Variants in LAMA4 observed in about 807,000 individuals in gnomAD.
The protein encoded by LAMA4 is laminin subunit alpha 4.
LAMA4 carries 127 observed loss-of-function variants against 207.1 expected under a neutral mutation model. The observed-to-expected ratio is 0.61, with a 90% CI of 0.53 to 0.71. LAMA4 has a LOEUF of 0.71. Ranked by LOEUF, LAMA4 falls within the 30% of genes least tolerant of loss-of-function variation. LAMA4 has a pLI of 0.00. For synonymous variants in LAMA4, 761 were observed against 816.0 expected, an observed-to-expected ratio of 0.93 and a Z score of 1.15; for missense variants, 2,093 against 2,246.5, an observed-to-expected ratio of 0.93 and a Z score of 1.38.
chr6:112,152,790 T>C (rs1780476257), intron 16 of LAMA4, among the ~76,000 whole-genome samples: 1 of 152,096 alleles, frequency 6.6e-6, no homozygotes, highest in South Asian at 2.1e-4. Flanking sequence ...ATATTTTCTC[T>C]GGGTAGTGTG....
chr6:112,230,608 T>C (rs1785504251), intron 2 of LAMA4, among the ~76,000 whole-genome samples: 1 of 152,268 alleles, frequency 6.6e-6, no homozygotes. Flanking sequence ...TGGACTTGTC[T>C]GTACCAGGGT....
intron 9 of LAMA4, chr6:112,179,798 G>A (rs782753994): frequency 2.6e-6 from 1 of 391,504 alleles, no homozygotes; most frequent in Non-Finnish European, 5.1e-6. Flanking sequence ...CCTCCCTACA[G>A]AGCAAGGCTC....
chr6:112,109,593 C>A lies in LAMA4; in HGVS notation c.5327-11G>T. On this transcript the variant is annotated splice_polypyrimidine_tract_variant and intron_variant, in intron 38 of 38. Coordinates refer to ENST00000230538, the MANE Select transcript of LAMA4 (RefSeq NM_001105206.3). The stretch of plus-strand genomic sequence containing the variant: ...GTGTCAGTAGAGATTCTGAAAAGAG[C>A]AAGAAATAAAAACAAAGATTGCAAT... 1 of 1,613,912 alleles carries A rather than the reference C, an allele frequency of 6.2e-7. No homozygotes were observed. Among genetic ancestry groups the A allele is most frequent in the Non-Finnish European group, 8.5e-7 (1 of 1,179,896 alleles).
At chr6:112,181,663 G>A (rs999956450) in intron 9 of LAMA4, among the ~76,000 whole-genome samples, 1 of 152,050 alleles carries the variant, frequency 6.6e-6, no homozygotes, top group Admixed American at 6.5e-5. Context: ...TTCTTCCTTA[G>A]AGTTACCGTT....
chr6:112,228,596 G>T (rs1444904473), intron 2 of LAMA4, among the ~76,000 whole-genome samples: 7 of 152,190 alleles, frequency 4.6e-5, no homozygotes, highest in Non-Finnish European at 1.0e-4. Context: ...AATTTGCAAA[G>T]ATCTGCTCCC....
At chr6:112,149,888 G>GT (rs1247255545) in intron 17 of LAMA4, among the ~76,000 whole-genome samples, 2 of 152,190 alleles carry the variant, frequency 1.3e-5, no homozygotes, top group African/African-American at 4.8e-5. Flanking sequence ...TGCTGCACTA[G>GT]TTTTTTAACT....
chr6:112,114,838 G>T, intron 36 of LAMA4, 82 bp from the exon 37 acceptor site: 1 of 963,600 alleles, frequency 1.0e-6, no homozygotes. Context: ...TTACCACAGT[G>T]AAGCAATACT....
intron 26 of LAMA4, 44 bp downstream of exon 26, chr6:112,134,423 A>C: frequency 6.2e-7 from 1 of 1,606,564 alleles, no homozygotes; most frequent in East Asian, 2.2e-5. Flanking sequence ...TTGCCAGCCC[A>C]GTACATTGCT....
At chr6:112,114,601 T>C (rs1410271852) in intron 37 of LAMA4, 62 bp downstream of exon 37, 3 of 1,084,094 alleles carry the variant, frequency 2.8e-6, no homozygotes, top group Non-Finnish European at 4.3e-6. Context: ...TAGCCTAAGT[T>C]CTGCCAGATC....
chr6:112,114,517 A>C (rs1234899886), intron 37 of LAMA4, 146 bp downstream of exon 37: 1 of 714,990 alleles, frequency 1.4e-6, no homozygotes, highest in Non-Finnish European at 2.5e-6. Context: ...CAGTATACAC[A>C]TAATAGTATA....
chr6:112,131,125 A>C, intron 28 of LAMA4, 24 bp from the exon 29 acceptor site: 1 of 1,611,566 alleles, frequency 6.2e-7, no homozygotes, highest in Non-Finnish European at 8.5e-7. Flanking sequence ...ACAGGCATGT[A>C]AGTAGGGAGT....
intron 17 of LAMA4, among the ~76,000 whole-genome samples, chr6:112,149,032 C>A (rs1351794472): frequency 6.8e-6 from 1 of 146,760 alleles, no homozygotes; most frequent in Non-Finnish European, 1.5e-5. Flanking sequence ...TTTCTTTGGC[C>A]CCAACTGTAA....
chr6:112,176,253 A>G (rs2114885594), intron 10 of LAMA4, among the ~76,000 whole-genome samples: 1 of 152,332 alleles, frequency 6.6e-6, no homozygotes, highest in Admixed American at 6.5e-5. Context: ...GCAGACTGAA[A>G]TACGTCTTTG....
At chr6:112,138,448 T>C (rs556107128) in intron 24 of LAMA4, among the ~76,000 whole-genome samples, 1 of 152,278 alleles carries the variant, frequency 6.6e-6, no homozygotes, top group African/African-American at 2.4e-5. Context: ...TTAAGGATTT[T>C]TGAAAATATT....
At chr6:112,146,421 G>A (rs1166211650) in intron 18 of LAMA4, among the ~76,000 whole-genome samples, 1 of 152,108 alleles carries the variant, frequency 6.6e-6, no homozygotes, top group Non-Finnish European at 1.5e-5. Context: ...CAGACAAGCA[G>A]CAGCAGCATC....
rs3777931 is a variant in LAMA4 at position 112,194,366 on chromosome 6, C to T, written c.504-2516G>A. On this transcript the variant is annotated intron_variant, in intron 5 of 38. Coordinates refer to ENST00000230538, the MANE Select transcript of LAMA4 (RefSeq NM_001105206.3). ...TGCATTTGCTCTCCATAGGAGGTCC[C>T]CTGGTCTTTTACAAGAGAAAACTCA... is the stretch of plus-strand genomic sequence containing the variant. Among the ~76,000 whole-genome samples, 89 of 152,274 alleles carry T rather than the reference C, an allele frequency of 5.8e-4. 1 individual carries two copies. In the East Asian group the frequency reaches 0.016, roughly 27 times the overall value.
At position 112,139,831 on chromosome 6, in the gene LAMA4, A is replaced by T; in HGVS notation, c.3031T>A (p.Leu1011Met). 6.2e-7 allele frequency: 1 copy of T among 1,614,104 alleles called. No individual in the cohort carries two copies. The highest frequency in any genetic ancestry group is 8.5e-7 in the Non-Finnish European group (1 of 1,179,954). Residue 1011 changes from leucine to methionine, a missense_variant, in exon 23 of 39, where the codon TTG becomes ATG. Physicochemically the swap from Leu to Met is conservative, Grantham distance 15 (BLOSUM62 2). This residue lies in a region of LAMA4 where 1,704 missense variants were observed against 1,788.4 expected (regional missense o/e 0.95). Coordinates refer to ENST00000230538, the MANE Select transcript of LAMA4 (RefSeq NM_001105206.3). ...GFVGCLELAT[L>M]NNDVISLYNF... The stretch of plus-strand genomic sequence containing the variant: ...TACAAGCTGATCACATCATTATTCA[A>T]AGTGGCCAGTTCCAGGCAGCCAACA...
At chr6:112,158,560 C>CCAAG (rs1206605599) in intron 14 of LAMA4, among the ~76,000 whole-genome samples, 172 bp downstream of exon 14, 11 of 151,890 alleles carry the variant, frequency 7.2e-5, no homozygotes, top group African/African-American at 2.4e-4. Flanking sequence ...AACCAACCAA[C>CCAAG]CAACCAAGCA....
intron 12 of LAMA4, among the ~76,000 whole-genome samples, chr6:112,166,827 A>G (rs555340678): frequency 3.9e-5 from 6 of 152,388 alleles, no homozygotes; most frequent in Admixed American, 3.9e-4. Flanking sequence ...CACAATTGTC[A>G]CTATTCAGCA....
Sources: allele counts gnomAD v4.1 joint callset (sites outside exome capture counted in the v4.1 genomes callset), GRCh38; gene constraint gnomAD v4.1.1; regional missense constraint gnomAD v4.1.1; transcripts MANE v1.5; gene names NCBI Gene and HGNC (gene_info 2026-07-23, HGNC 2026-07-21).